The following FBXL17 variants were observed in gnomAD, a reference collection of about 807,000 sequenced individuals.
FBXL17 encodes F-box/LRR-repeat protein 17.
FBXL17 carries 22 observed loss-of-function variants against 66.2 expected under a neutral mutation model. The ratio of observed to expected loss-of-function variants is 0.33; its 90% CI spans 0.24 to 0.47. The LOEUF (loss-of-function observed/expected upper bound fraction) is 0.47. FBXL17 is among the 20% of genes least tolerant of loss of function. The pLI is 1.00. For missense variants in FBXL17, 878 were observed against 948.2 expected (o/e 0.93, Z 0.97); for synonymous variants, 474 against 400.5 (o/e 1.18, Z -2.19).
intron 4 of FBXL17, among the ~76,000 whole-genome samples, chr5:108,266,289 T>C (rs1031967102): frequency 6.6e-6 from 1 of 151,882 alleles, no homozygotes; most frequent in African/African-American, 2.4e-5. Context: ...AGTTGAAAAA[T>C]ATTAAACAGA....
intron 6 of FBXL17, among the ~76,000 whole-genome samples, chr5:108,100,495 T>C (rs1367510340): frequency 6.6e-6 from 1 of 152,208 alleles, no homozygotes; most frequent in East Asian, 1.9e-4. Context: ...TATTTCAACA[T>C]GTATTTCTAA....
chr5:108,068,918 C>T (rs1748223816), intron 6 of FBXL17, among the ~76,000 whole-genome samples: 1 of 152,184 alleles, frequency 6.6e-6, no homozygotes, highest in African/African-American at 2.4e-5. Flanking sequence ...ACTTGTACAG[C>T]AGTGCTAGCT....
Position 108,036,141 on chromosome 5 carries a change from GT to G in FBXL17, c.1746-15141del, listed in dbSNP as rs535605286. ...TTTATGGATTGAGATGACTGTGCCA[GT>G]TTTTTTTGTTGCTGTTCAAATGTTG... On this transcript the variant is annotated intron_variant, in intron 6 of 8. Transcript: ENST00000542267. 3.3e-5 allele frequency among the ~76,000 whole-genome samples: 5 copies of G among 151,966 alleles called. No individual in the cohort carries two copies. In the South Asian group the frequency reaches 6.2e-4, roughly 19 times the overall value.
chr5:107,961,092 T>C (rs17371964), intron 7 of FBXL17, among the ~76,000 whole-genome samples: 26,219 of 152,110 alleles, frequency 0.17, 2,846 homozygotes, highest in Non-Finnish European at 0.24. Context: ...GGGGTCCAGG[T>C]TGGTGAGAGA....
intron 6 of FBXL17, among the ~76,000 whole-genome samples, chr5:108,022,894 A>T (rs1275696076): frequency 6.6e-6 from 1 of 152,104 alleles, no homozygotes; most frequent in Non-Finnish European, 1.5e-5. Context: ...CTAAAAACTG[A>T]TAAAGGGTCA....
At chr5:107,968,845 T>A (rs1261503008) in intron 7 of FBXL17, among the ~76,000 whole-genome samples, 2 of 151,942 alleles carry the variant, frequency 1.3e-5, no homozygotes, top group Admixed American at 6.6e-5. Flanking sequence ...CCTTGTAGTA[T>A]AAAGCACATC....
chr5:108,105,002 C>A (rs1019846931), intron 6 of FBXL17, among the ~76,000 whole-genome samples: 68 of 152,196 alleles, frequency 4.5e-4, no homozygotes, highest in African/African-American at 1.6e-3. Flanking sequence ...CCACGATGCC[C>A]AGCTAATTTT....
chr5:108,100,413 A>C (rs1307327909), intron 6 of FBXL17, among the ~76,000 whole-genome samples: 1 of 152,216 alleles, frequency 6.6e-6, no homozygotes, highest in Non-Finnish European at 1.5e-5. Context: ...TTTCCTTTAC[A>C]TGCTGACCTA....
chr5:108,008,615 A>T (rs1485573552), intron 7 of FBXL17, among the ~76,000 whole-genome samples: 6 of 152,182 alleles, frequency 3.9e-5, no homozygotes, highest in Non-Finnish European at 5.9e-5. Flanking sequence ...TTATTCATTA[A>T]AAGTTAATTG....
At chr5:108,276,991 G>A (rs1757509186) in intron 4 of FBXL17, among the ~76,000 whole-genome samples, 1 of 151,578 alleles carries the variant, frequency 6.6e-6, no homozygotes. Context: ...ACATCTTTAT[G>A]TGAGAAGTAG....
Position 108,177,932 on chromosome 5 carries a change from T to TACAC in FBXL17, c.1745+8181_1745+8184dup, listed in dbSNP as rs1554072223. ...AAATGTATATATATATATATATATA[T>TACAC]ACACACACACACTATTACCTCACTA... is the stretch of plus-strand genomic sequence containing the variant. On this transcript the variant is annotated intron_variant, in intron 6 of 8. Coordinates refer to ENST00000542267, the MANE Select transcript of FBXL17 (RefSeq NM_001163315.3). 7.2e-3 allele frequency among the ~76,000 whole-genome samples: 900 copies of TACAC among 124,352 alleles called. 4 individuals are homozygous for TACAC. Among genetic ancestry groups the TACAC allele is most frequent in the Non-Finnish European group, 0.01 (560 of 55,636 alleles). The allele number at this position is 124,352 out of a possible 152,430, so 81.6% of individuals were successfully genotyped here.
intron 6 of FBXL17, among the ~76,000 whole-genome samples, chr5:108,033,273 C>A (rs576436033): frequency 6.6e-6 from 1 of 152,224 alleles, no homozygotes; most frequent in African/African-American, 2.4e-5. Context: ...AAAGTGCAGA[C>A]ATTGATACAT....
intron 8 of FBXL17, among the ~76,000 whole-genome samples, chr5:107,868,587 G>A (rs888949563): frequency 1.4e-4 from 22 of 152,188 alleles, no homozygotes; most frequent in African/African-American, 4.8e-4. Context: ...CCCTTGTTAC[G>A]GAGGTAGGAT....
intron 7 of FBXL17, among the ~76,000 whole-genome samples, chr5:107,902,148 C>T (rs866519127): frequency 3.9e-5 from 6 of 152,116 alleles, no homozygotes; most frequent in East Asian, 3.9e-4. Context: ...TAATTGTTTC[C>T]GTACTATGCT....
chr5:107,868,488 C>T (rs1157135803), intron 8 of FBXL17, among the ~76,000 whole-genome samples: 1 of 152,228 alleles, frequency 6.6e-6, no homozygotes, highest in Non-Finnish European at 1.5e-5. Flanking sequence ...AGCTGCAGGC[C>T]TGACCACGGG....
intron 6 of FBXL17, among the ~76,000 whole-genome samples, chr5:108,081,596 G>C (rs1341680955): frequency 1.3e-5 from 2 of 152,022 alleles, no homozygotes; most frequent in African/African-American, 2.4e-5. Context: ...GGTGGCAGGC[G>C]TCTGTAGTCC....
At chr5:108,231,242 T>C (rs945140822) in intron 4 of FBXL17, among the ~76,000 whole-genome samples, 4 of 152,164 alleles carry the variant, frequency 2.6e-5, no homozygotes, top group African/African-American at 9.6e-5. Context: ...TATACAGTTA[T>C]ATAATCATCA....
At chr5:108,096,544 A>AAT (rs1351413686) in intron 6 of FBXL17, among the ~76,000 whole-genome samples, 4 of 152,216 alleles carry the variant, frequency 2.6e-5, no homozygotes, top group African/African-American at 9.6e-5. Flanking sequence ...AGAGAAGGAG[A>AAT]ATATAGTCAA....
At chr5:107,908,621 TCA>T (rs1245553929) in intron 7 of FBXL17, among the ~76,000 whole-genome samples, 3 of 152,086 alleles carry the variant, frequency 2.0e-5, no homozygotes, top group African/African-American at 7.2e-5. Flanking sequence ...GCTGGAGTAG[TCA>T]GAATACTTAG....
Sources: allele counts gnomAD v4.1 joint callset (sites outside exome capture counted in the v4.1 genomes callset), GRCh38; gene constraint gnomAD v4.1.1; transcripts MANE v1.5; gene names NCBI Gene and HGNC (gene_info 2026-07-23, HGNC 2026-07-21).